The following RGS3 variants were observed in gnomAD, a reference collection of about 807,000 sequenced individuals.
RGS3 encodes the protein regulator of G protein signaling 3.
Under a neutral mutation model 132.6 loss-of-function variants are expected in RGS3, and 80 were observed. The ratio of observed to expected loss-of-function variants is 0.60; its 90% CI spans 0.50 to 0.73. The LOEUF is 0.73. RGS3 is among the 30% of genes least tolerant of loss of function. The pLI, the probability that RGS3 is intolerant of heterozygous loss-of-function variation, is 0.00. For synonymous variants in RGS3, 598 were observed against 620.6 expected (o/e 0.96, Z 0.54); for missense variants, 1,382 against 1,530.8 (o/e 0.90, Z 1.62).
intron 18 of RGS3, among the ~76,000 whole-genome samples, chr9:113,533,881 T>C (rs550782810): frequency 1.3e-5 from 2 of 152,348 alleles, no homozygotes; most frequent in African/African-American, 4.8e-5. Context: ...ATCCTTCCCC[T>C]GCCATGGGCT....
intron 19 of RGS3, among the ~76,000 whole-genome samples, chr9:113,576,592 A>G (rs1834536134): frequency 2.6e-5 from 4 of 152,118 alleles, no homozygotes; most frequent in Admixed American, 2.6e-4. Flanking sequence ...GGCCTCCCAA[A>G]GTGCTGGGAT....
intron 7 of RGS3, among the ~76,000 whole-genome samples, chr9:113,487,409 C>G (rs1322889656): frequency 1.3e-5 from 2 of 152,156 alleles, no homozygotes; most frequent in African/African-American, 4.8e-5. Context: ...CCGCGCCCGG[C>G]CTGTCTCATT....
chr9:113,541,264 A>G, intron 19 of RGS3: 1 of 1,574,376 alleles, frequency 6.4e-7, no homozygotes, highest in Non-Finnish European at 8.7e-7. Context: ...TCCTGCAGTC[A>G]GGCAGCCCGG....
chr9:113,581,018 GC>G, intron 19 of RGS3: 2 of 267,032 alleles, frequency 7.5e-6, no homozygotes, highest in Non-Finnish European at 1.1e-5. Flanking sequence ...AGGTGGCTGG[GC>G]CAGGGGGTGG....
chr9:113,533,178 C>T (rs1262881594), intron 18 of RGS3, among the ~76,000 whole-genome samples: 1 of 152,174 alleles, frequency 6.6e-6, no homozygotes, highest in East Asian at 1.9e-4. Flanking sequence ...CATGCCCTTC[C>T]TGCCTCTTCA....
At chr9:113,532,537 G>A (rs1310177348) in intron 18 of RGS3, among the ~76,000 whole-genome samples, 1 of 152,164 alleles carries the variant, frequency 6.6e-6, no homozygotes, top group South Asian at 2.1e-4. Context: ...GTTGAGACAG[G>A]CAATACGGTC....
upstream of RGS3, among the ~76,000 whole-genome samples, chr9:113,457,761 G>A (rs1045823029): frequency 6.6e-6 from 1 of 152,188 alleles, no homozygotes; most frequent in African/African-American, 2.4e-5. Flanking sequence ...CTTTCTGAAA[G>A]CAAATGGTGG....
intron 19 of RGS3, among the ~76,000 whole-genome samples, chr9:113,547,513 A>G (rs1833165464): frequency 6.6e-6 from 1 of 152,180 alleles, no homozygotes; most frequent in Admixed American, 6.5e-5. Context: ...CTGAGTATAC[A>G]CATTGAACTC....
chr9:113,584,208 T>C, exon 20 of RGS3: 1 of 1,613,990 alleles, frequency 6.2e-7, no homozygotes, highest in Non-Finnish European at 8.5e-7. Context: ...TCTCACTGCG[T>C]GTGCAGAACT....
intron 19 of RGS3, among the ~76,000 whole-genome samples, chr9:113,575,467 T>C (rs572582544): frequency 5.3e-5 from 8 of 152,172 alleles, no homozygotes; most frequent in Non-Finnish European, 1.2e-4. Context: ...GTGGGGCCTC[T>C]GTTTAGGGAA....
chr9:113,466,879 G>A (rs556269387), intron 3 of RGS3, among the ~76,000 whole-genome samples: 21 of 151,974 alleles, frequency 1.4e-4, no homozygotes, highest in Non-Finnish European at 2.6e-4. Context: ...AGCTTGTACC[G>A]TCCTCCCTTG....
chr9:113,517,704 C>T, intron 16 of RGS3, 80 bp downstream of exon 14: 1 of 1,053,456 alleles, frequency 9.5e-7, no homozygotes, highest in African/African-American at 1.6e-5. Flanking sequence ...ACTTTGGTCT[C>T]TTCCTGAGTA....
At chr9:113,445,989 T>C (rs1236877646) in intron 1 of RGS3, among the ~76,000 whole-genome samples, 1 of 152,184 alleles carries the variant, frequency 6.6e-6, no homozygotes, top group Non-Finnish European at 1.5e-5. Flanking sequence ...TGTTTTTGAA[T>C]TATAGAAAAC....
At chr9:113,547,701 G>A (rs1176912192) in intron 19 of RGS3, among the ~76,000 whole-genome samples, 3 of 152,226 alleles carry the variant, frequency 2.0e-5, no homozygotes, top group Non-Finnish European at 4.4e-5. Context: ...CGTGGAATTT[G>A]TGGTCACTGG....
In RGS3 at chr9:113,537,330, C is replaced by T. The variant is rs1452530666; in HGVS notation, c.2037+412C>T. Among the ~76,000 whole-genome samples the T allele has an allele frequency of 2.6e-5, 4 of 152,172 alleles. No homozygotes were observed. The highest frequency in any genetic ancestry group is 5.9e-5 in the Non-Finnish European group (4 of 68,026). ...GCGGATGCGATAGAGGGGATGTTTGCGGCAGAAGCTGTTGTATGCTGTATA... is the reference window on the plus strand; with the variant it reads ...GCGGATGCGATAGAGGGGATGTTTGTGGCAGAAGCTGTTGTATGCTGTATA... On this transcript the variant is annotated intron_variant, in intron 19 of 24. Transcript: ENST00000350696. The surrounding 1 kb of genome is among the most constrained non-coding windows in gnomAD (Gnocchi z 4.3).
chr9:113,500,241 G>T (rs967250196), intron 10 of RGS3, among the ~76,000 whole-genome samples: 12 of 152,284 alleles, frequency 7.9e-5, no homozygotes, highest in Admixed American at 2.0e-4. Flanking sequence ...CCGGGGGAGA[G>T]CCCCCAGAGG....
intron 1 of RGS3, among the ~76,000 whole-genome samples, chr9:113,454,980 T>C (rs1377740578): frequency 2.6e-5 from 4 of 152,130 alleles, no homozygotes; most frequent in Non-Finnish European, 4.4e-5. Flanking sequence ...TCTGGAGACC[T>C]CTGGGGCCCT....
exon 25 of RGS3, chr9:113,597,182 A>AAGACCCTGGCAGGTCAGGGGCCCT (rs1835831145): frequency 4.3e-6 from 2 of 468,894 alleles, no homozygotes; most frequent in South Asian, 6.3e-5. Context: ...GAGGGGGCCC[A>AAGACCCTGGCAGGTCAGGGGCCCT]AGACCCTGGC....
intron 3 of RGS3, among the ~76,000 whole-genome samples, chr9:113,471,809 T>C (rs1829843448): frequency 6.6e-6 from 1 of 152,116 alleles, no homozygotes; most frequent in South Asian, 2.1e-4. Context: ...TACCTGTAAT[T>C]AGGAGGCTTC....
Sources: gnomAD v4.1 joint callset for allele counts (sites outside exome capture counted in the v4.1 genomes callset) on GRCh38, gnomAD v4.1.1 for gene constraint, Gnocchi (gnomAD v3.1) non-coding constraint, MANE v1.5 for transcripts, NCBI Gene and HGNC (gene_info 2026-07-23, HGNC 2026-07-21) for gene names.